Variants in AARSD1 observed in about 807,000 individuals in gnomAD.
The protein encoded by AARSD1 is alanyl-tRNA editing protein Aarsd1.
AARSD1 carries 44 observed loss-of-function variants against 48.7 expected under a neutral mutation model. That is an observed-to-expected ratio of 0.90 (90% CI 0.71 to 1.16). AARSD1 has a LOEUF of 1.16. Ranked by LOEUF, AARSD1 falls within the 50% of genes most tolerant of loss-of-function variation. The pLI is 0.00. For missense variants in AARSD1, 511 were observed against 523.1 expected, an observed-to-expected ratio of 0.98 and a Z score of 0.23; for synonymous variants, 189 against 194.9, an observed-to-expected ratio of 0.97 and a Z score of 0.25.
chr17:42,952,305 C>G (rs1167770568), intron 10 of AARSD1, among the ~76,000 whole-genome samples: 1 of 152,146 alleles, frequency 6.6e-6, no homozygotes, highest in Admixed American at 6.6e-5. Flanking sequence ...CTGAAACCTC[C>G]CTATCCTTCA....
At chr17:42,956,773 T>C (rs1321889725) in intron 4 of AARSD1, among the ~76,000 whole-genome samples, 1 of 138,930 alleles carries the variant, frequency 7.2e-6, no homozygotes, top group Non-Finnish European at 1.5e-5. Flanking sequence ...GTTCACGCCA[T>C]TCACCTGCCT....
At chr17:42,954,750 G>A in intron 9 of AARSD1, 126 bp downstream of exon 9, 1 of 1,062,748 alleles carries the variant, frequency 9.4e-7, no homozygotes, top group East Asian at 2.6e-5. Context: ...TATTTCTTAG[G>A]ATCTACTCAA....
chr17:42,959,335 C>A (rs1489083363), intron 3 of AARSD1, among the ~76,000 whole-genome samples: 1 of 151,734 alleles, frequency 6.6e-6, no homozygotes, highest in African/African-American at 2.4e-5. Context: ...TCTGCCTCAG[C>A]CTCCTGAGTG....
chr17:42,950,987 C>T (rs750423883), intron 11 of AARSD1, among the ~76,000 whole-genome samples: 7 of 150,776 alleles, frequency 4.6e-5, no homozygotes, highest in Non-Finnish European at 3.0e-5. Flanking sequence ...GATGAAACCC[C>T]GTCTCTACTA....
At chr17:42,962,141 A>G in intron 2 of AARSD1, 1 of 216,064 alleles carries the variant, frequency 4.6e-6, no homozygotes, top group South Asian at 4.2e-5. Flanking sequence ...CTCTACTAAA[A>G]TACAAAAAAT....
chr17:42,959,140 T>C (rs1464160508), intron 3 of AARSD1, among the ~76,000 whole-genome samples: 3 of 127,304 alleles, frequency 2.4e-5, no homozygotes, highest in Admixed American at 9.3e-5. Flanking sequence ...GAGGTTGCAG[T>C]GAGCCAAGAC....
rs745326659 is a variant in AARSD1 at position 42,964,450 on chromosome 17, C to A, written c.-10G>T. On this transcript the variant is annotated 5_prime_UTR_variant, in exon 1 of 12. Transcript: ENST00000427569. ...GACACCAGAACGCCATACCTGCAGG[C>A]GTGTGAGGAGGCGCACGCGCAGAGA... The A allele has an allele frequency of 1.9e-6, 3 of 1,550,656 alleles. No individual in the cohort carries two copies. Among genetic ancestry groups the A allele is most frequent in the South Asian group, 1.2e-5 (1 of 84,080 alleles).
At chr17:42,957,731 A>G (rs995935113) in intron 3 of AARSD1, among the ~76,000 whole-genome samples, 1 of 152,130 alleles carries the variant, frequency 6.6e-6, no homozygotes, top group African/African-American at 2.4e-5. Flanking sequence ...TTGGCCTCCC[A>G]AAATGCTGGG....
At chr17:42,960,888 A>G in intron 3 of AARSD1, 1 of 273,352 alleles carries the variant, frequency 3.7e-6, no homozygotes, top group Non-Finnish European at 6.7e-6. Context: ...GAGGGAGGGG[A>G]AGGCTTTTTG....
chr17:42,955,736 T>G, intron 7 of AARSD1, 106 bp downstream of exon 7: 1 of 1,558,536 alleles, frequency 6.4e-7, no homozygotes, highest in Non-Finnish European at 8.7e-7. Flanking sequence ...CCACCACGCC[T>G]GGCCGCACTT....
chr17:42,960,396 G>A (rs571431695), intron 3 of AARSD1, among the ~76,000 whole-genome samples: 1 of 152,228 alleles, frequency 6.6e-6, no homozygotes, highest in Admixed American at 6.5e-5. Flanking sequence ...CTGGGACTAG[G>A]ATGACAGTGA....
intron 9 of AARSD1, 36 bp downstream of exon 9, chr17:42,954,840 G>C: frequency 6.2e-7 from 1 of 1,609,400 alleles, no homozygotes. Context: ...GCCCAACACA[G>C]TTCCCCTTCC....
At position 42,957,130 on chromosome 17, in the gene AARSD1, C is replaced by G; in HGVS notation, c.389+8G>C. ...CTGCCTACAGTTAGTCTTATGCCTC[C>G]CACTCACCATGATGTTGTCTTCAGC... On this transcript the variant is annotated splice_region_variant and intron_variant, in intron 4 of 11. Coordinates refer to ENST00000427569, the MANE Select transcript of AARSD1 (RefSeq NM_001261434.2). The G allele has an allele frequency of 6.2e-7, 1 of 1,613,424 alleles. No individual in the cohort carries two copies. The highest frequency in any genetic ancestry group is 1.1e-5 in the South Asian group (1 of 91,038).
intron 2 of AARSD1, chr17:42,962,256 C>T (rs540803762): frequency 3.1e-5 from 8 of 257,386 alleles, no homozygotes; most frequent in South Asian, 5.9e-5. Context: ...GCCGAGATCA[C>T]GCCGCTGCGC....
intron 8 of AARSD1, 78 bp from the exon 9 acceptor site, chr17:42,955,045 T>G (rs1307249623): frequency 1.2e-6 from 2 of 1,610,110 alleles, no homozygotes; most frequent in African/African-American, 2.7e-5. Flanking sequence ...CACCTCATTC[T>G]CCCCTCACTC....
intron 3 of AARSD1, among the ~76,000 whole-genome samples, chr17:42,958,969 C>CTTTTT (rs2049594855): frequency 6.6e-6 from 1 of 150,492 alleles, no homozygotes; most frequent in Non-Finnish European, 1.5e-5. Flanking sequence ...GAGGCCGAGG[C>CTTTTT]GAGCAGATCA....
intron 7 of AARSD1, 120 bp downstream of exon 7, chr17:42,955,722 T>C: frequency 6.5e-7 from 1 of 1,529,958 alleles, no homozygotes. Context: ...ATTACAGATG[T>C]GGGCCACCAC....
intron 8 of AARSD1, 35 bp downstream of exon 8, chr17:42,955,123 C>A: frequency 6.2e-7 from 1 of 1,613,998 alleles, no homozygotes; most frequent in African/African-American, 1.3e-5. Context: ...CTAGGCAGGG[C>A]CCATGCCCTC....
intron 2 of AARSD1, 74 bp from the exon 3 acceptor site, chr17:42,961,425 GGGTGAGAGACCCAGAATCT>G: frequency 6.3e-7 from 1 of 1,597,198 alleles, no homozygotes; most frequent in Non-Finnish European, 8.5e-7. Context: ...AGACCCTCTA[GGGTGAGAGACCCAGAATCT>G]GGGCTCCCTA....
Sources: gnomAD v4.1 joint callset for allele counts (sites outside exome capture counted in the v4.1 genomes callset) on GRCh38, gnomAD v4.1.1 for gene constraint, MANE v1.5 for transcripts, NCBI Gene and HGNC (gene_info 2026-07-23, HGNC 2026-07-21) for gene names.